Variants in ABCA13 observed in about 807,000 individuals in gnomAD.
ABCA13 encodes ATP binding cassette subfamily A member 13.
Under a neutral mutation model 478.7 loss-of-function variants are expected in ABCA13, and 476 were observed. That is an observed-to-expected ratio of 0.99 (90% CI 0.92 to 1.07). The LOEUF is 1.07. Among genes scored for constraint, ABCA13 ranks in the 50% least tolerant of loss-of-function variants. The pLI is 0.00. For missense variants in ABCA13, 6,060 were observed against 5,910.6 expected (o/e 1.03, Z -0.83); for synonymous variants, 2,252 against 2,158.9 (o/e 1.04, Z -1.20).
intron 27 of ABCA13, among the ~76,000 whole-genome samples, chr7:48,322,582 C>T (rs138516640): frequency 8.3e-4 from 127 of 152,290 alleles, no homozygotes; most frequent in African/African-American, 2.8e-3. Flanking sequence ...CCAGGGCAGC[C>T]GGTGCTCCTA....
chr7:48,207,742 G>A (rs1452883459), intron 3 of ABCA13, among the ~76,000 whole-genome samples: 1 of 151,990 alleles, frequency 6.6e-6, no homozygotes, highest in African/African-American at 2.4e-5. Flanking sequence ...CTCCCATTCT[G>A]CGAGTTGTTT....
intron 39 of ABCA13, chr7:48,404,555 A>G (rs1447070277): frequency 6.6e-6 from 1 of 152,316 alleles, no homozygotes; most frequent in African/African-American, 2.4e-5. Flanking sequence ...TTCTCATAAA[A>G]TGTTATTTTG....
chr7:48,595,602 T>C (rs1790202742), intron 58 of ABCA13, among the ~76,000 whole-genome samples: 1 of 152,198 alleles, frequency 6.6e-6, no homozygotes, highest in Non-Finnish European at 1.5e-5. Flanking sequence ...ACTTTATTGC[T>C]CACAGCAAGA....
Position 48,376,583 on chromosome 7 carries a change from T to G in ABCA13, c.11335+11T>G, listed in dbSNP as rs762311287. 1 of 1,613,228 alleles carries G rather than the reference T, an allele frequency of 6.2e-7. No individual in the cohort carries two copies. The highest frequency in any genetic ancestry group is 8.5e-7 in the Non-Finnish European group (1 of 1,179,648). ...GCAACTTGATTCCTGGTAAGAATTT[T>G]GCCTTTTGTAAGATAACACAATAAA... On this transcript the variant is annotated intron_variant, in intron 35 of 61. Coordinates refer to ENST00000435803, the MANE Select transcript of ABCA13 (RefSeq NM_152701.5).
intron 15 of ABCA13, among the ~76,000 whole-genome samples, chr7:48,257,084 T>C (rs1421177580): frequency 2.0e-5 from 3 of 152,148 alleles, no homozygotes; most frequent in Non-Finnish European, 4.4e-5. Context: ...TGAATGTGAT[T>C]CTGTTCTTGA....
chr7:48,624,380 C>T (rs1793460833), intron 59 of ABCA13, among the ~76,000 whole-genome samples: 1 of 152,080 alleles, frequency 6.6e-6, no homozygotes, highest in South Asian at 2.1e-4. Flanking sequence ...ACCTGATTGA[C>T]ATAGGAGGCT....
At position 48,240,917 on chromosome 7, in the gene ABCA13, C is replaced by T. The variant is rs1264561077; in HGVS notation, c.1113C>T (p.Gly371=). The T allele has an allele frequency of 6.2e-7, 1 of 1,610,542 alleles. No homozygotes were observed. The change falls in exon 10 of 62, where the codon GGC becomes GGT. Residue 371 remains glycine (G), a synonymous_variant. Coordinates refer to ENST00000435803, the MANE Select transcript of ABCA13 (RefSeq NM_152701.5). ...GCCTGCTTCAGAAGACACTCACAGG[C>T]ATGGGCCATAGTCTGGAGGCTCTCA... ...QGSLLQKTLT[G]MGHSLEALRN...
In ABCA13 at chr7:48,243,694, A is replaced by G. The variant is rs144694261; in HGVS notation, c.1263-882A>G. 5.1e-4 allele frequency among the ~76,000 whole-genome samples: 78 copies of G among 152,338 alleles called. No homozygotes were observed. In the East Asian group the frequency reaches 0.013, roughly 26 times the overall value. On this transcript the variant is annotated intron_variant, in intron 10 of 61. Coordinates refer to ENST00000435803, the MANE Select transcript of ABCA13 (RefSeq NM_152701.5). The stretch of plus-strand genomic sequence containing the variant: ...TTTATCAAGCCTGTGTTCAACCCCA[A>G]ACTATCAAGATGCCATGAAGAGACT...
Position 48,389,166 on chromosome 7 carries a change from G to A in ABCA13, c.11600G>A (p.Arg3867Lys), listed in dbSNP as rs1426395247. Residue 3867 changes from arginine (R) to lysine (K), a missense_variant, in exon 37 of 62, where the codon AGA becomes AAA. Around this residue, in one of 3 missense-constraint regions of ABCA13, gnomAD observed 1,627 missense variants for 1,571.0 expected, o/e 1.04. Transcript: ENST00000435803. Reference protein sequence around the residue: ...VVQDLSLTFYRDQITALLGTN... With the variant: ...VVQDLSLTFYKDQITALLGTN... ...CAAGACCTCAGCCTGACCTTCTACA[G>A]AGACCAAATCACCGCCCTGCTGGGG... 2 of 1,613,846 alleles carry A rather than the reference G, an allele frequency of 1.2e-6. No homozygotes were observed. The highest frequency in any genetic ancestry group is 1.7e-6 in the Non-Finnish European group (2 of 1,179,866).
chr7:48,466,794 T>C (rs1826922028), intron 43 of ABCA13, among the ~76,000 whole-genome samples, 162 bp from the exon 44 acceptor site: 1 of 152,202 alleles, frequency 6.6e-6, no homozygotes, highest in Non-Finnish European at 1.5e-5. Context: ...TTTGGCATTA[T>C]CATAAAAACA....
intron 59 of ABCA13, among the ~76,000 whole-genome samples, chr7:48,619,864 A>G (rs1792963730): frequency 6.6e-6 from 1 of 152,180 alleles, no homozygotes; most frequent in Admixed American, 6.5e-5. Flanking sequence ...GGGCTCTTAT[A>G]TCACAGGGAA....
chr7:48,529,370 C>T (rs1833076089), intron 55 of ABCA13, among the ~76,000 whole-genome samples: 1 of 152,076 alleles, frequency 6.6e-6, no homozygotes, highest in Non-Finnish European at 1.5e-5. Context: ...TCCTCGTATC[C>T]CATTCTTTTT....
At chr7:48,618,527 A>G (rs1190456846) in intron 59 of ABCA13, among the ~76,000 whole-genome samples, 1 of 152,198 alleles carries the variant, frequency 6.6e-6, no homozygotes, top group Non-Finnish European at 1.5e-5. Context: ...ACAGTTTCCA[A>G]TAATAGGGGC....
At chr7:48,311,714 A>T (rs1801810247) in intron 24 of ABCA13, among the ~76,000 whole-genome samples, 1 of 152,210 alleles carries the variant, frequency 6.6e-6, no homozygotes, top group Non-Finnish European at 1.5e-5. Flanking sequence ...GGTACCTTCT[A>T]TATGAAGGGC....
intron 43 of ABCA13, among the ~76,000 whole-genome samples, chr7:48,457,633 T>A (rs1585406852): frequency 6.6e-6 from 1 of 152,246 alleles, no homozygotes; most frequent in South Asian, 2.1e-4. Context: ...GATATTGGTT[T>A]GTTCTCATTT....
At chr7:48,643,432 T>TA (rs536321367) in intron 60 of ABCA13, 39 bp downstream of exon 60, 607 of 1,398,128 alleles carry the variant, frequency 4.3e-4, no homozygotes, top group African/African-American at 6.4e-4. Flanking sequence ...TGTTTTCAGC[T>TA]AAAAAAAAAT....
intron 24 of ABCA13, among the ~76,000 whole-genome samples, chr7:48,312,585 CTT>C (rs1459520628): frequency 1.3e-5 from 2 of 152,200 alleles, no homozygotes; most frequent in East Asian, 3.8e-4. Flanking sequence ...TTCAGGAAGA[CTT>C]TTAATCTCCT....
chr7:48,631,536 T>C (rs550531293), intron 59 of ABCA13, among the ~76,000 whole-genome samples: 18 of 152,270 alleles, frequency 1.2e-4, no homozygotes, highest in African/African-American at 3.8e-4. Context: ...ACCAGTACCA[T>C]GATGTTTTGG....
intron 37 of ABCA13, among the ~76,000 whole-genome samples, chr7:48,389,477 T>G (rs1815714283): frequency 6.6e-6 from 1 of 152,202 alleles, no homozygotes; most frequent in Non-Finnish European, 1.5e-5. Flanking sequence ...TTTAAAAGGC[T>G]TAATTCTTGT....
Sources: allele counts gnomAD v4.1 joint callset (sites outside exome capture counted in the v4.1 genomes callset), GRCh38; gene constraint gnomAD v4.1.1; regional missense constraint gnomAD v4.1.1; transcripts MANE v1.5; gene names NCBI Gene and HGNC (gene_info 2026-07-23, HGNC 2026-07-21).